GALNT17: variants seen among roughly 807,000 people sequenced by gnomAD.
The protein encoded by GALNT17 is UDP-GalNAc:polypeptide N-acetylgalactosaminyltransferase-like 3.
In GALNT17, 29 loss-of-function variants were observed where a neutral mutation model predicts 63.7. The ratio of observed to expected loss-of-function variants is 0.46; its 90% CI spans 0.34 to 0.62. GALNT17 has a LOEUF of 0.62. Ranked by LOEUF, GALNT17 falls within the 20% of genes least tolerant of loss-of-function variation. The pLI is 0.01. For synonymous variants in GALNT17, 305 were observed against 318.3 expected (o/e 0.96, Z 0.45); for missense variants, 603 against 799.6 (o/e 0.75, Z 2.97).
intron 5 of GALNT17, among the ~76,000 whole-genome samples, chr7:71,554,674 T>C (rs549316373): frequency 2.4e-4 from 36 of 152,204 alleles, no homozygotes; most frequent in Non-Finnish European, 3.7e-4. Context: ...GCCAGAGTGC[T>C]AGGCAGGAAG....
chr7:71,441,265 C>T (rs766403761), intron 5 of GALNT17, among the ~76,000 whole-genome samples: 12 of 152,086 alleles, frequency 7.9e-5, no homozygotes, highest in Non-Finnish European at 1.6e-4. Context: ...TCGTAATCCA[C>T]CCACCTTGGC....
intron 1 of GALNT17, among the ~76,000 whole-genome samples, chr7:71,327,870 G>GATT (rs1791730947): frequency 6.6e-6 from 1 of 152,148 alleles, no homozygotes; most frequent in African/African-American, 2.4e-5. Flanking sequence ...AGAAGATTTA[G>GATT]TACCTTCTAC....
chr7:71,699,038 A>G (rs565245665), intron 9 of GALNT17, among the ~76,000 whole-genome samples: 1 of 151,812 alleles, frequency 6.6e-6, no homozygotes, highest in South Asian at 2.1e-4. Flanking sequence ...TGGGCATGGC[A>G]GCGTGTGCCT....
At position 71,670,098 on chromosome 7, in the gene GALNT17, G is replaced by A; in HGVS notation, c.1393G>A (p.Ala465Thr). 3 of 1,614,082 alleles carry A rather than the reference G, an allele frequency of 1.9e-6. No individual in the cohort carries two copies. The highest frequency in any genetic ancestry group is 2.5e-6 in the Non-Finnish European group (3 of 1,179,992). The change falls in exon 8 of 11, where the codon GCT becomes ACT. Residue 465 changes from alanine (A) to threonine (T), a missense_variant. Ala to Thr is a moderately conservative substitution (Grantham distance 58). This residue lies in a region of GALNT17 where 336 missense variants were observed against 507.8 expected (regional missense o/e 0.66). Transcript: ENST00000333538. ...AATGAGAAGATACAATAATACCGTT[G>A]CTTACGGGGAGGTAATTCAGACCGT... ...PEMRRYNNTV[A>T]YGELRNNKAK...
At chr7:71,444,827 AAAACAAAC>A (rs879445313) in intron 5 of GALNT17, among the ~76,000 whole-genome samples, 1 of 152,156 alleles carries the variant, frequency 6.6e-6, no homozygotes, top group African/African-American at 2.4e-5. Flanking sequence ...TGTCTCAAGG[AAAACAAAC>A]AAACAAACAA....
intron 5 of GALNT17, among the ~76,000 whole-genome samples, chr7:71,519,666 A>G (rs1026215710): frequency 6.6e-6 from 1 of 151,958 alleles, no homozygotes; most frequent in African/African-American, 2.4e-5. Flanking sequence ...ATTTTACCGT[A>G]TTGGCCAGGC....
At chr7:71,481,066 A>T (rs557737850) in intron 5 of GALNT17, among the ~76,000 whole-genome samples, 1 of 152,186 alleles carries the variant, frequency 6.6e-6, no homozygotes, top group Non-Finnish European at 1.5e-5. Context: ...CTTTGCCCCA[A>T]ACTGGTGCAT....
chr7:71,263,070 G>A (rs148586916), intron 1 of GALNT17, among the ~76,000 whole-genome samples: 17 of 152,206 alleles, frequency 1.1e-4, no homozygotes, highest in African/African-American at 3.4e-4. Context: ...GATAAGACGG[G>A]CCATCTGCAA....
intron 6 of GALNT17, among the ~76,000 whole-genome samples, chr7:71,636,670 G>A (rs185103031): frequency 6.6e-6 from 1 of 152,338 alleles, no homozygotes; most frequent in African/African-American, 2.4e-5. Flanking sequence ...TTCTCTGGCT[G>A]TATCAAGTGA....
intron 1 of GALNT17, among the ~76,000 whole-genome samples, chr7:71,294,235 T>C (rs924341431): frequency 2.0e-5 from 3 of 152,118 alleles, no homozygotes; most frequent in African/African-American, 7.2e-5. Flanking sequence ...CACTTTATAT[T>C]CAATATATTT....
chr7:71,159,428 C>T (rs1219812579), intron 1 of GALNT17, among the ~76,000 whole-genome samples: 1 of 151,268 alleles, frequency 6.6e-6, no homozygotes, highest in African/African-American at 2.5e-5. Context: ...ATCTGTCTAC[C>T]TTCCTTTTTT....
chr7:71,317,071 TC>T (rs1333693309), intron 1 of GALNT17, among the ~76,000 whole-genome samples: 3 of 152,192 alleles, frequency 2.0e-5, no homozygotes, highest in Non-Finnish European at 4.4e-5. Context: ...ACCTGCGGCC[TC>T]CGGCTTGAGC....
intron 6 of GALNT17, among the ~76,000 whole-genome samples, chr7:71,617,123 AT>A (rs1279282462): frequency 6.7e-6 from 1 of 148,804 alleles, no homozygotes; most frequent in African/African-American, 2.5e-5. Flanking sequence ...AGTAAATATT[AT>A]TTATACAATA....
chr7:71,385,692 GC>G (rs67196992), intron 2 of GALNT17, among the ~76,000 whole-genome samples: 6,082 of 152,204 alleles, frequency 0.04, 348 homozygotes, highest in African/African-American at 0.12. Flanking sequence ...GGAATACTTT[GC>G]CCCCAGCAGG....
chr7:71,245,438 C>T (rs1326037182), intron 1 of GALNT17, among the ~76,000 whole-genome samples: 2 of 152,198 alleles, frequency 1.3e-5, no homozygotes, highest in Non-Finnish European at 2.9e-5. Context: ...CTCATGGTGA[C>T]ATTCCAGGCA....
At chr7:71,254,092 T>C (rs1255536912) in intron 1 of GALNT17, among the ~76,000 whole-genome samples, 1 of 152,200 alleles carries the variant, frequency 6.6e-6, no homozygotes, top group Admixed American at 6.5e-5. Flanking sequence ...GGCACTGTCC[T>C]GAAAGGCAGG....
intron 5 of GALNT17, among the ~76,000 whole-genome samples, chr7:71,457,802 C>G (rs1787381415): frequency 6.6e-6 from 1 of 152,136 alleles, no homozygotes; most frequent in Non-Finnish European, 1.5e-5. Context: ...TTGTGCCGAC[C>G]TCTTATCTCA....
chr7:71,151,306 C>T lies in GALNT17; in HGVS notation c.238+18266C>T, dbSNP rs112004932. Among the ~76,000 whole-genome samples the T allele has an allele frequency of 5.4e-3, 816 of 152,240 alleles. 9 individuals carry two copies. The highest frequency in any genetic ancestry group is 0.019 in the African/African-American group (771 of 41,562). On this transcript the variant is annotated intron_variant, in intron 1 of 10. Transcript: ENST00000333538. Reference sequence around the variant, plus strand: ...ACCTATTTCTAGGTCAGCTTCTGTGCTTGACCTGCTATTGGATTTAAGAAA... The same window carrying T: ...ACCTATTTCTAGGTCAGCTTCTGTGTTTGACCTGCTATTGGATTTAAGAAA...
chr7:71,629,820 C>G (rs1178228528), intron 6 of GALNT17, among the ~76,000 whole-genome samples: 1 of 152,186 alleles, frequency 6.6e-6, no homozygotes, highest in Non-Finnish European at 1.5e-5. Context: ...GGCAGTCTTG[C>G]TGTATTTCCC....
Sources: allele counts gnomAD v4.1 joint callset (sites outside exome capture counted in the v4.1 genomes callset), GRCh38; gene constraint gnomAD v4.1.1; regional missense constraint gnomAD v4.1.1; transcripts MANE v1.5; gene names NCBI Gene and HGNC (gene_info 2026-07-23, HGNC 2026-07-21).